Variants in VWC2 observed in about 807,000 individuals in gnomAD.
VWC2 encodes the protein brorin.
VWC2 carries 14 observed loss-of-function variants against 29.8 expected under a neutral mutation model. The ratio of observed to expected loss-of-function variants is 0.47; its 90% CI spans 0.31 to 0.74. The LOEUF is 0.74. VWC2 is among the 30% of genes least tolerant of loss of function. VWC2 has a pLI of 0.05. For missense variants in VWC2, 457 were observed against 459.8 expected (o/e 0.99, Z 0.05); for synonymous variants, 213 against 199.0 (o/e 1.07, Z -0.59).
At chr7:49,838,568 G>A (rs1443008692) in intron 3 of VWC2, among the ~76,000 whole-genome samples, 1 of 152,014 alleles carries the variant, frequency 6.6e-6, no homozygotes, top group African/African-American at 2.4e-5. Context: ...GAGGGCCTGT[G>A]TCTCTGGGAC....
chr7:49,861,300 T>A (rs1790642219), intron 3 of VWC2, among the ~76,000 whole-genome samples: 2 of 152,230 alleles, frequency 1.3e-5, no homozygotes, highest in South Asian at 4.1e-4. Flanking sequence ...TTGGCCATTA[T>A]TTTTGGAGAA....
intron 3 of VWC2, among the ~76,000 whole-genome samples, chr7:49,834,060 C>T (rs1022878135): frequency 2.0e-5 from 3 of 152,144 alleles, no homozygotes; most frequent in African/African-American, 4.8e-5. Flanking sequence ...CCATGGGAAG[C>T]GTATTGGCTG....
chr7:49,829,807 A>G (rs1294729405), intron 3 of VWC2, among the ~76,000 whole-genome samples: 1 of 152,150 alleles, frequency 6.6e-6, no homozygotes, highest in Non-Finnish European at 1.5e-5. Context: ...AACAAACAAC[A>G]ATTACAACAA....
intron 3 of VWC2, among the ~76,000 whole-genome samples, chr7:49,819,350 C>T (rs983659124): frequency 2.0e-5 from 3 of 152,176 alleles, no homozygotes; most frequent in Non-Finnish European, 4.4e-5. Flanking sequence ...CCTGCTGTGA[C>T]GCTCACAGTC....
intron 2 of VWC2, among the ~76,000 whole-genome samples, chr7:49,789,009 A>C (rs1021215028): frequency 7.5e-6 from 1 of 134,090 alleles, no homozygotes; most frequent in African/African-American, 2.9e-5. Context: ...TGCATGCTTG[A>C]AAGTGTGTCA....
chr7:49,793,880 A>G (rs1440465229), intron 2 of VWC2, among the ~76,000 whole-genome samples: 2 of 152,212 alleles, frequency 1.3e-5, no homozygotes, highest in Non-Finnish European at 2.9e-5. Context: ...GATGGACAAC[A>G]CATTGCTGGT....
At position 49,921,062 on chromosome 7, in the gene VWC2, T is replaced by C. The variant is rs1793995754; in HGVS notation, c.*8877T>C. ...AACAACATCAATTTTACCTAACAAC[T>C]GTAACCACTAATAAATCATCAGTCA... On this transcript the variant is annotated 3_prime_UTR_variant, in exon 4 of 4. Coordinates refer to ENST00000340652, the MANE Select transcript of VWC2 (RefSeq NM_198570.5). The C allele has an allele frequency of 6.6e-6, 1 of 152,244 alleles. No homozygotes were observed. The highest frequency in any genetic ancestry group is 1.5e-5 in the Non-Finnish European group (1 of 68,044). The allele number at this position is 152,244 out of a possible 1,614,324, so 9.4% of individuals were successfully genotyped here. A position where few individuals can be genotyped will look rare whatever the true frequency, so the allele number is the denominator to read the frequency against.
At chr7:49,890,743 A>G (rs77786629) in intron 3 of VWC2, among the ~76,000 whole-genome samples, 2 of 134,896 alleles carry the variant, frequency 1.5e-5, no homozygotes, top group Non-Finnish European at 3.2e-5. Flanking sequence ...AAAAAAAAAA[A>G]ACTGATTTGA....
At chr7:49,808,617 T>G (rs1483800) in intron 3 of VWC2, among the ~76,000 whole-genome samples, 1 of 152,050 alleles carries the variant, frequency 6.6e-6, no homozygotes, top group Non-Finnish European at 1.5e-5. Context: ...GTTGACCCTA[T>G]GCTAAGACAT....
chr7:49,858,791 G>C (rs979946644), intron 3 of VWC2, among the ~76,000 whole-genome samples: 3 of 152,142 alleles, frequency 2.0e-5, no homozygotes, highest in South Asian at 4.1e-4. Flanking sequence ...TATGTAGATA[G>C]TATTAAAAAT....
At chr7:49,850,930 A>G (rs1346173400) in intron 3 of VWC2, among the ~76,000 whole-genome samples, 1 of 152,232 alleles carries the variant, frequency 6.6e-6, no homozygotes, top group South Asian at 2.1e-4. Flanking sequence ...ACCAGGCTCC[A>G]TTAGCTCCCT....
intron 3 of VWC2, among the ~76,000 whole-genome samples, chr7:49,815,873 G>A (rs1404597880): frequency 6.6e-6 from 1 of 152,168 alleles, no homozygotes; most frequent in African/African-American, 2.4e-5. Flanking sequence ...CTCATCCTTT[G>A]CTGTACGCCA....
At chr7:49,864,954 G>T (rs1032152039) in intron 3 of VWC2, among the ~76,000 whole-genome samples, 1 of 152,158 alleles carries the variant, frequency 6.6e-6, no homozygotes, top group Non-Finnish European at 1.5e-5. Context: ...GACAGTTCCT[G>T]TTTGTTTTTC....
At chr7:49,832,865 C>T (rs1413575397) in intron 3 of VWC2, among the ~76,000 whole-genome samples, 1 of 152,202 alleles carries the variant, frequency 6.6e-6, no homozygotes, top group Non-Finnish European at 1.5e-5. Flanking sequence ...CCAAGTACCT[C>T]CAGGCACTTC....
chr7:49,822,583 C>T (rs918102609), intron 3 of VWC2, among the ~76,000 whole-genome samples: 12 of 152,280 alleles, frequency 7.9e-5, no homozygotes, highest in Middle Eastern at 3.4e-3. Context: ...GGATTACGGT[C>T]ACCCACCACC....
intron 2 of VWC2, among the ~76,000 whole-genome samples, chr7:49,777,915 C>T (rs1788086012): frequency 6.6e-6 from 1 of 152,018 alleles, no homozygotes; most frequent in African/African-American, 2.4e-5. Context: ...ATCATCGGCT[C>T]TTCTAAAGTC....
chr7:49,818,464 C>G (rs184890149), intron 3 of VWC2, among the ~76,000 whole-genome samples: 1 of 152,188 alleles, frequency 6.6e-6, no homozygotes, highest in Admixed American at 6.5e-5. Context: ...ATGTCTTATG[C>G]CAGTCTGATG....
intron 2 of VWC2, among the ~76,000 whole-genome samples, chr7:49,785,042 G>C (rs927784282): frequency 6.6e-6 from 1 of 152,176 alleles, no homozygotes; most frequent in Non-Finnish European, 1.5e-5. Flanking sequence ...AAGTGCATGG[G>C]TAAAGAACAG....
At chr7:49,791,497 T>G (rs140416553) in intron 2 of VWC2, among the ~76,000 whole-genome samples, 7 of 152,238 alleles carry the variant, frequency 4.6e-5, no homozygotes, top group African/African-American at 1.4e-4. Context: ...GCTCCCAATA[T>G]TTGCTGATGG....
Sources: allele counts gnomAD v4.1 joint callset (sites outside exome capture counted in the v4.1 genomes callset), GRCh38; gene constraint gnomAD v4.1.1; transcripts MANE v1.5; gene names NCBI Gene and HGNC (gene_info 2026-07-23, HGNC 2026-07-21).